The following DOCK1 variants were observed in gnomAD, a reference collection of about 807,000 sequenced individuals.
The protein encoded by DOCK1 is dedicator of cytokinesis 1.
DOCK1 carries 138 observed loss-of-function variants against 262.7 expected under a neutral mutation model. The observed-to-expected ratio is 0.53, with a 90% CI of 0.46 to 0.61. The LOEUF (loss-of-function observed/expected upper bound fraction) is 0.61, where lower values mean the gene tolerates loss of function less well. DOCK1 is among the 20% of genes least tolerant of loss of function. The pLI is 0.00. For missense variants in DOCK1, 1,908 were observed against 2,370.7 expected, an observed-to-expected ratio of 0.80 and a Z score of 4.05; for synonymous variants, 866 against 867.4, an observed-to-expected ratio of 1.00 and a Z score of 0.03.
intron 27 of DOCK1, among the ~76,000 whole-genome samples, chr10:127,163,134 G>C (rs1040004536): frequency 7.9e-5 from 12 of 152,208 alleles, no homozygotes; most frequent in African/African-American, 2.9e-4. Context: ...CTGATGATCA[G>C]ATGCACTTTC....
chr10:127,145,106 G>T (rs1274154455), intron 27 of DOCK1, among the ~76,000 whole-genome samples: 1 of 152,116 alleles, frequency 6.6e-6, no homozygotes, highest in Non-Finnish European at 1.5e-5. Context: ...CATCCTAGGT[G>T]CCCATCTTAC....
chr10:127,017,199 A>ACG (rs2042037086), intron 12 of DOCK1, among the ~76,000 whole-genome samples: 2 of 147,848 alleles, frequency 1.4e-5, no homozygotes, highest in Non-Finnish European at 3.0e-5. Flanking sequence ...ATACACACGC[A>ACG]CACACAGATG....
At chr10:127,021,681 G>T (rs2042433682) in intron 13 of DOCK1, among the ~76,000 whole-genome samples, 3 of 152,346 alleles carry the variant, frequency 2.0e-5, no homozygotes, top group African/African-American at 7.2e-5. Context: ...TCTTCTCGTG[G>T]TCAGTATCAG....
intron 35 of DOCK1, among the ~76,000 whole-genome samples, chr10:127,376,615 A>C (rs2065509052): frequency 6.6e-6 from 1 of 152,210 alleles, no homozygotes; most frequent in African/African-American, 2.4e-5. Context: ...TGAAATAGGA[A>C]CTATTATTTT....
chr10:127,057,282 C>CT (rs1472613008), intron 22 of DOCK1, among the ~76,000 whole-genome samples: 1 of 152,112 alleles, frequency 6.6e-6, no homozygotes, highest in African/African-American at 2.4e-5. Flanking sequence ...GTGTGTTTTC[C>CT]TTTTTGCAGC....
chr10:127,423,284 C>G (rs1403958614), intron 46 of DOCK1, among the ~76,000 whole-genome samples: 1 of 152,028 alleles, frequency 6.6e-6, no homozygotes, highest in Non-Finnish European at 1.5e-5. Flanking sequence ...CCTGGGAGTC[C>G]CAGGACTCAT....
chr10:127,263,106 T>C (rs1484381399), intron 29 of DOCK1, among the ~76,000 whole-genome samples: 2 of 152,216 alleles, frequency 1.3e-5, no homozygotes, highest in African/African-American at 4.8e-5. Flanking sequence ...ACATAACAAC[T>C]TTTCCACAAG....
intron 29 of DOCK1, among the ~76,000 whole-genome samples, chr10:127,273,573 G>T (rs1053732077): frequency 6.6e-6 from 1 of 152,178 alleles, no homozygotes; most frequent in Non-Finnish European, 1.5e-5. Context: ...CATACTGTGC[G>T]AAAGGTATTT....
intron 27 of DOCK1, among the ~76,000 whole-genome samples, chr10:127,141,598 G>A (rs1359302273): frequency 6.6e-6 from 1 of 152,092 alleles, no homozygotes; most frequent in Non-Finnish European, 1.5e-5. Context: ...AGCTACTCGG[G>A]AGGTGGAGGT....
intron 27 of DOCK1, among the ~76,000 whole-genome samples, chr10:127,186,060 G>C (rs921254995): frequency 4.6e-5 from 7 of 152,146 alleles, no homozygotes; most frequent in African/African-American, 1.7e-4. Flanking sequence ...TTAGAGCATG[G>C]CACCTTTCCT....
At chr10:127,045,517 C>A (rs1316268132) in intron 21 of DOCK1, among the ~76,000 whole-genome samples, 1 of 152,206 alleles carries the variant, frequency 6.6e-6, no homozygotes, top group African/African-American at 2.4e-5. Flanking sequence ...CTCTAGAAGG[C>A]TTTGGTAGGT....
intron 31 of DOCK1, 32 bp from the exon 32 acceptor site, chr10:127,354,637 G>A: frequency 1.2e-6 from 2 of 1,613,384 alleles, no homozygotes; most frequent in Non-Finnish European, 1.7e-6. Flanking sequence ...CTTCCGGAGT[G>A]ATTCAGCGTT....
chr10:127,135,017 C>T (rs751890843), intron 27 of DOCK1, among the ~76,000 whole-genome samples: 6 of 152,092 alleles, frequency 3.9e-5, no homozygotes, highest in Non-Finnish European at 2.9e-5. Context: ...GGGATGTGCT[C>T]AATGGAAGAT....
chr10:127,249,432 TACACACACAC>T lies in DOCK1; in HGVS notation c.2949+1344_2949+1353del, dbSNP rs376080330. On this transcript the variant is annotated intron_variant, in intron 28 of 51. Coordinates refer to ENST00000623213, the MANE Select transcript of DOCK1 (RefSeq NM_001290223.2). ...ATATATATACATGTACATATATATA[TACACACACAC>T]ACACACACACACACACACACGCAGT... Among the ~76,000 whole-genome samples the T allele has an allele frequency of 7.5e-3, 725 of 97,030 alleles. 4 individuals are homozygous for T. The highest frequency in any genetic ancestry group is 0.012 in the African/African-American group (303 of 25,694). The allele number at this position is 97,030 out of a possible 152,430, so 63.7% of individuals were successfully genotyped here.
At chr10:127,020,771 G>A (rs1388294127) in intron 13 of DOCK1, among the ~76,000 whole-genome samples, 1 of 152,174 alleles carries the variant, frequency 6.6e-6, no homozygotes, top group Non-Finnish European at 1.5e-5. Context: ...GCACCAGAGA[G>A]AGAGAGAGTA....
chr10:127,273,344 A>G (rs962066611), intron 29 of DOCK1, among the ~76,000 whole-genome samples: 2 of 152,096 alleles, frequency 1.3e-5, no homozygotes, highest in African/African-American at 4.8e-5. Flanking sequence ...ACCTTAGCTA[A>G]GGAAGTCTAG....
chr10:127,010,306 A>C (rs1409369103), intron 11 of DOCK1, among the ~76,000 whole-genome samples: 1 of 152,110 alleles, frequency 6.6e-6, no homozygotes, highest in Non-Finnish European at 1.5e-5. Context: ...ATAACTACTA[A>C]AAATACAAAA....
chr10:126,960,806 A>G (rs1377952026), intron 1 of DOCK1, among the ~76,000 whole-genome samples: 1 of 145,988 alleles, frequency 6.8e-6, no homozygotes, highest in Non-Finnish European at 1.5e-5. Flanking sequence ...ACACACACAC[A>G]CACATAGATA....
At chr10:127,150,904 TGCCACATTCAAAGAAAACGTCTGG>T (rs2052425421) in intron 27 of DOCK1, among the ~76,000 whole-genome samples, 1 of 152,028 alleles carries the variant, frequency 6.6e-6, no homozygotes, top group South Asian at 2.1e-4. Flanking sequence ...GTAGTGGGGG[TGCCACATTCAAAGAAAACGTCTGG>T]GCCTCACCTC....
Sources: gnomAD v4.1 joint callset for allele counts (sites outside exome capture counted in the v4.1 genomes callset) on GRCh38, gnomAD v4.1.1 for gene constraint, MANE v1.5 for transcripts, NCBI Gene and HGNC (gene_info 2026-07-23, HGNC 2026-07-21) for gene names.